Variants in TLN2 observed in about 807,000 individuals in gnomAD.
TLN2 encodes the protein talin 2.
A neutral mutation model predicts 294.7 loss-of-function variants in TLN2; 118 were observed. The observed-to-expected ratio is 0.40, with a 90% CI of 0.34 to 0.47. TLN2 has a LOEUF of 0.47. TLN2 is among the 20% of genes least tolerant of loss of function. TLN2 has a pLI of 0.84. For synonymous variants in TLN2, 1,431 were observed against 1,304.5 expected (o/e 1.10, Z -2.09); for missense variants, 3,083 against 3,282.2 (o/e 0.94, Z 1.48).
intron 1 of TLN2, among the ~76,000 whole-genome samples, chr15:62,408,612 A>G (rs1363672249): frequency 6.6e-6 from 1 of 152,184 alleles, no homozygotes; most frequent in African/African-American, 2.4e-5. Flanking sequence ...ATTTCACCAT[A>G]TTAACTTTAT....
chr15:62,677,806 C>CCTTTTTTTTTTTTTTT (rs2056394162), intron 11 of TLN2, among the ~76,000 whole-genome samples: 1 of 75,252 alleles, frequency 1.3e-5, no homozygotes, highest in Non-Finnish European at 2.4e-5. Context: ...GCACTTGCAA[C>CCTTTTTTTTTTTTTTT]TTTTTTTTTT....
intron 12 of TLN2, chr15:62,687,929 T>C (rs1383485507): frequency 1.3e-5 from 2 of 152,214 alleles, no homozygotes; most frequent in Admixed American, 1.3e-4. Context: ...GGATGATTTC[T>C]AAATTAGAAA....
chr15:62,736,991 C>T lies in TLN2; in HGVS notation c.3472C>T (p.Arg1158Ter), dbSNP rs896605778. 1 of 1,614,180 alleles carries T rather than the reference C, an allele frequency of 6.2e-7. No homozygotes were observed. The highest frequency in any genetic ancestry group is 1.1e-5 in the South Asian group (1 of 91,084). The change falls in exon 29 of 59, where the codon CGA becomes TGA. Residue 1158 changes from arginine to a stop codon, truncating the protein, a stop_gained. Coordinates refer to ENST00000636159, the MANE Select transcript of TLN2 (RefSeq NM_015059.3). LOFTEE classifies it high-confidence loss of function. ...CGCCCATGCCATGTTAGATTCTGCT[C>T]GAGACGTGATGGAGGGCTCCGCCAT... is the stretch of plus-strand genomic sequence containing the variant. The part of the protein sequence containing the change: ...AAAHAMLDSA[R>*]DVMEGSAMLI...
At chr15:62,808,335 AC>A (rs1430003113) in intron 51 of TLN2, among the ~76,000 whole-genome samples, 1 of 152,194 alleles carries the variant, frequency 6.6e-6, no homozygotes, top group African/African-American at 2.4e-5. Flanking sequence ...ACTACAAAAT[AC>A]CCTTAATGAA....
intron 54 of TLN2, among the ~76,000 whole-genome samples, chr15:62,825,679 C>T (rs1301003634): frequency 2.2e-5 from 3 of 136,866 alleles, no homozygotes; most frequent in Non-Finnish European, 4.6e-5. Context: ...TGGGTTTCAC[C>T]CAGTCTCTAC....
intron 4 of TLN2, among the ~76,000 whole-genome samples, chr15:62,649,131 TGC>T (rs1372361444): frequency 6.6e-6 from 1 of 152,240 alleles, no homozygotes; most frequent in Non-Finnish European, 1.5e-5. Context: ...CGTGAGCAAC[TGC>T]GCCCCCTGGC....
At chr15:62,407,083 A>C (rs1379371115) in intron 1 of TLN2, among the ~76,000 whole-genome samples, 1 of 152,138 alleles carries the variant, frequency 6.6e-6, no homozygotes, top group Non-Finnish European at 1.5e-5. Flanking sequence ...AGGGACCCTA[A>C]TTGTAGAATT....
chr15:62,455,046 C>T (rs976957058), intron 1 of TLN2, among the ~76,000 whole-genome samples: 23 of 152,088 alleles, frequency 1.5e-4, no homozygotes, highest in African/African-American at 5.6e-4. Flanking sequence ...GCAGTTATGT[C>T]TGTTACTAAG....
intron 52 of TLN2, among the ~76,000 whole-genome samples, chr15:62,819,152 A>G (rs1274166174): frequency 1.3e-5 from 2 of 152,058 alleles, no homozygotes; most frequent in African/African-American, 2.4e-5. Flanking sequence ...GAGCCACTGT[A>G]CCCAGCCAGA....
At chr15:62,413,335 T>C (rs2033883284) in intron 1 of TLN2, among the ~76,000 whole-genome samples, 1 of 152,278 alleles carries the variant, frequency 6.6e-6, no homozygotes, top group Non-Finnish European at 1.5e-5. Flanking sequence ...CCTTGGAAGA[T>C]GCTAAGAATG....
At chr15:62,836,106 C>G in intron 57 of TLN2, 33 bp downstream of exon 57, 1 of 1,575,058 alleles carries the variant, frequency 6.3e-7, no homozygotes, top group East Asian at 2.3e-5. Context: ...GGAAAATACT[C>G]CTGTTGGAGC....
intron 3 of TLN2, among the ~76,000 whole-genome samples, chr15:62,639,472 T>C (rs2050758876): frequency 6.6e-6 from 1 of 152,184 alleles, no homozygotes; most frequent in Non-Finnish European, 1.5e-5. Context: ...GTTTTAACGA[T>C]AGTCATTTCT....
In TLN2 at chr15:62,820,478, G is replaced by T; in HGVS notation, c.6878-8G>T. 6.2e-7 allele frequency: 1 copy of T among 1,613,562 alleles called. No homozygotes were observed. The highest frequency in any genetic ancestry group is 1.1e-5 in the South Asian group (1 of 90,990). The stretch of plus-strand genomic sequence containing the variant: ...ATGAAGAATCACCTTCTTTTGGACT[G>T]ATTCTAGGAACAGAGTGGGTGGATC... On this transcript the variant is annotated splice_polypyrimidine_tract_variant and splice_region_variant and intron_variant, in intron 53 of 58. Transcript: ENST00000636159.
At chr15:62,595,618 C>G (rs940283927) in intron 2 of TLN2, among the ~76,000 whole-genome samples, 1 of 152,146 alleles carries the variant, frequency 6.6e-6, no homozygotes, top group South Asian at 2.1e-4. Flanking sequence ...CTCCTATGTT[C>G]ATTGCAGCAC....
intron 1 of TLN2, among the ~76,000 whole-genome samples, chr15:62,570,202 G>A (rs1260397200): frequency 6.6e-6 from 1 of 152,182 alleles, no homozygotes; most frequent in African/African-American, 2.4e-5. Context: ...TTAGGGATTG[G>A]CCTTTCTGGA....
At chr15:62,783,470 C>T (rs2064360378) in intron 44 of TLN2, among the ~76,000 whole-genome samples, 1 of 152,242 alleles carries the variant, frequency 6.6e-6, no homozygotes. Flanking sequence ...GCCCTGGGCA[C>T]TGGCTCCAAG....
chr15:62,450,912 G>A (rs993675478), intron 1 of TLN2, among the ~76,000 whole-genome samples: 44 of 150,294 alleles, frequency 2.9e-4, no homozygotes, highest in African/African-American at 1.1e-3. Flanking sequence ...TTGTTTCTCC[G>A]TTTTTGTTCT....
intron 36 of TLN2, 169 bp downstream of exon 36, chr15:62,754,085 T>C (rs2062088097): frequency 2.1e-5 from 20 of 948,302 alleles, no homozygotes; most frequent in Non-Finnish European, 2.7e-5. Context: ...TATTGCAAAA[T>C]ATGATGAATC....
At chr15:62,587,669 A>G in intron 1 of TLN2, among the ~76,000 whole-genome samples, 1 of 152,294 alleles carries the variant, frequency 6.6e-6, no homozygotes, top group East Asian at 1.9e-4. Flanking sequence ...CCCTGCTTCC[A>G]TAATTATCTA....
Sources: gnomAD v4.1 joint callset for allele counts (sites outside exome capture counted in the v4.1 genomes callset) on GRCh38, gnomAD v4.1.1 for gene constraint, MANE v1.5 for transcripts, NCBI Gene and HGNC (gene_info 2026-07-23, HGNC 2026-07-21) for gene names.